SOAT1: variants seen among roughly 807,000 people sequenced by gnomAD.
The protein encoded by SOAT1 is acyl-coenzyme A:cholesterol acyltransferase 1.
SOAT1 carries 55 observed loss-of-function variants against 69.5 expected under a neutral mutation model. The observed-to-expected ratio is 0.79, with a 90% CI of 0.64 to 0.99. SOAT1 has a LOEUF of 0.99. Among genes scored for constraint, SOAT1 ranks in the 50% least tolerant of loss-of-function variants. The pLI is 0.00. For synonymous variants in SOAT1, 231 were observed against 224.7 expected (o/e 1.03, Z -0.25); for missense variants, 580 against 669.3 (o/e 0.87, Z 1.47).
At position 179,341,187 on chromosome 1, in the gene SOAT1, TTC is replaced by T; in HGVS notation, c.663_664del (p.Phe222ProfsTer61). ...YSKSSHPLIRSLFHGFLFMIF... is the reference protein window; with the variant it reads ...YSKSSHPLIRXLFHGFLFMIF... ...GCAAGAGTTCTCATCCGCTGATCCG[TTC>T]TCTCTTCCATGGCTTTCTTTTCATG... On this transcript the variant is annotated frameshift_variant, in exon 7 of 16. Transcript: ENST00000367619. LOFTEE classifies it high-confidence loss of function. 6.2e-7 allele frequency: 1 copy of T among 1,614,074 alleles called. No homozygotes were observed. The highest frequency in any genetic ancestry group is 8.5e-7 in the Non-Finnish European group (1 of 1,179,980).
chr1:179,349,329 C>T (rs1257972093), intron 13 of SOAT1, among the ~76,000 whole-genome samples: 4 of 125,896 alleles, frequency 3.2e-5, no homozygotes, highest in Non-Finnish European at 3.2e-5. Flanking sequence ...TAGAGAAACA[C>T]TTTTTTTTTT....
At chr1:179,335,469 T>G (rs765751119) in intron 3 of SOAT1, 37 bp from the exon 4 acceptor site, 3 of 1,576,070 alleles carry the variant, frequency 1.9e-6, no homozygotes, top group Non-Finnish European at 8.7e-7. Flanking sequence ...CAAGCATGTA[T>G]TAGTTCCCCA....
At chr1:179,299,773 A>C (rs1354868197) in intron 1 of SOAT1, among the ~76,000 whole-genome samples, 1 of 17,552 alleles carries the variant, frequency 5.7e-5, no homozygotes, top group Non-Finnish European at 1.0e-4. Context: ...TTTTTTTTTG[A>C]GACGGAGTCT....
chr1:179,351,633 A>C (rs1031811363), intron 15 of SOAT1, among the ~76,000 whole-genome samples, 171 bp downstream of exon 15: 1 of 151,588 alleles, frequency 6.6e-6, no homozygotes, highest in Admixed American at 6.6e-5. Context: ...TTGTACTTGA[A>C]GTTTTTCCTT....
intron 1 of SOAT1, among the ~76,000 whole-genome samples, chr1:179,297,588 G>A (rs946523166): frequency 6.6e-6 from 1 of 151,890 alleles, no homozygotes; most frequent in Non-Finnish European, 1.5e-5. Flanking sequence ...ACCCGCCTCA[G>A]CCTCCCAAAG....
Position 179,357,327 on chromosome 1 carries a change from C to CGAGTAGCT in SOAT1, c.*3688_*3695dup, listed in dbSNP as rs903371280. ...AAGCGATTCTCCTGCCTCAGCCTCC[C>CGAGTAGCT]GAGTAGCTGGCATTACAGGTGCCTG... is the stretch of plus-strand genomic sequence containing the variant. On this transcript the variant is annotated 3_prime_UTR_variant, in exon 16 of 16. Transcript: ENST00000367619. 6.6e-6 allele frequency: 1 copy of CGAGTAGCT among 152,466 alleles called. No individual in the cohort carries two copies. The highest frequency in any genetic ancestry group is 1.5e-5 in the Non-Finnish European group (1 of 68,320). The allele number at this position is 152,466 out of a possible 1,614,324, so 9.4% of individuals were successfully genotyped here. A position where few individuals can be genotyped will look rare whatever the true frequency, so the allele number is the denominator to read the frequency against.
At chr1:179,336,729 G>A (rs1275493325) in intron 4 of SOAT1, among the ~76,000 whole-genome samples, 1 of 152,144 alleles carries the variant, frequency 6.6e-6, no homozygotes, top group Non-Finnish European at 1.5e-5. Flanking sequence ...GGGCATGGTG[G>A]CTCACGCCTG....
In SOAT1 at chr1:179,349,011, A is replaced by G. The variant is rs1051890259; in HGVS notation, c.1314+69A>G. ...TTCTTTTTCAGAAAGTATGAGTATT[A>G]TACAGCTGGAAGAAGTTATATTTAA... On this transcript the variant is annotated intron_variant, in intron 13 of 15. Coordinates refer to ENST00000367619, the MANE Select transcript of SOAT1 (RefSeq NM_003101.6). 7.1e-6 allele frequency: 6 copies of G among 839,744 alleles called. No individual in the cohort carries two copies. The African/African-American group carries it at 1.0e-4, about 14-fold the overall frequency. The allele number at this position is 839,744 out of a possible 1,614,324, so 52.0% of individuals were successfully genotyped here.
chr1:179,325,597 A>G (rs915058463), intron 3 of SOAT1, among the ~76,000 whole-genome samples: 3 of 152,196 alleles, frequency 2.0e-5, no homozygotes, highest in Non-Finnish European at 2.9e-5. Context: ...TCAAGAACAC[A>G]AAAACATATT....
intron 2 of SOAT1, among the ~76,000 whole-genome samples, chr1:179,317,030 A>C (rs753692940): frequency 8.5e-5 from 13 of 152,144 alleles, no homozygotes; most frequent in Non-Finnish European, 1.9e-4. Context: ...TATGTGTATG[A>C]GTTTGTTTTT....
intron 15 of SOAT1, among the ~76,000 whole-genome samples, chr1:179,353,221 A>ATAAATATATATATATTTATATATT (rs1571463716): frequency 6.9e-5 from 5 of 72,262 alleles, no homozygotes; most frequent in South Asian, 3.7e-4. Flanking sequence ...ATATATATAT[A>ATAAATATATATATATTTATATATT]TATCTATTTG....
chr1:179,310,979 GAGA>G (rs545530714), intron 2 of SOAT1, among the ~76,000 whole-genome samples: 83 of 152,266 alleles, frequency 5.5e-4, no homozygotes, highest in African/African-American at 1.9e-3. Flanking sequence ...TAGGGGTCAG[GAGA>G]CAAGGATTTC....
In SOAT1 at chr1:179,341,164, A is replaced by G. The variant is rs1197337727; in HGVS notation, c.634A>G (p.Lys212Glu). 1.9e-6 allele frequency: 3 copies of G among 1,613,980 alleles called. No homozygotes were observed. The highest frequency in any genetic ancestry group is 2.5e-6 in the Non-Finnish European group (3 of 1,180,024). The change falls in exon 7 of 16, where the codon AAG becomes GAG. Residue 212 changes from lysine to glutamate, a missense_variant. By Grantham distance (56) the Lys-to-Glu change is moderately conservative. Coordinates refer to ENST00000367619, the MANE Select transcript of SOAT1 (RefSeq NM_003101.6). ...TCAACATTGGGCCACTGGCTATAGCAAGAGTTCTCATCCGCTGATCCGTTC... is the reference window on the plus strand; with the variant it reads ...TCAACATTGGGCCACTGGCTATAGCGAGAGTTCTCATCCGCTGATCCGTTC... Reference protein sequence around the residue: ...LFQHWATGYSKSSHPLIRSLF... With the variant: ...LFQHWATGYSESSHPLIRSLF...
intron 4 of SOAT1, among the ~76,000 whole-genome samples, chr1:179,335,975 A>T (rs12035050): frequency 0.24 from 35,867 of 152,052 alleles, 4,836 homozygotes; most frequent in East Asian, 0.38. Flanking sequence ...CCTGGCCAAC[A>T]TGGTTATTTA....
intron 2 of SOAT1, among the ~76,000 whole-genome samples, chr1:179,304,839 G>A (rs141325223): frequency 6.6e-6 from 1 of 151,732 alleles, no homozygotes; most frequent in East Asian, 1.9e-4. Context: ...ATAGAGTTGG[G>A]GCTTCAACAT....
chr1:179,328,186 C>T (rs1174071971), intron 3 of SOAT1, among the ~76,000 whole-genome samples: 1 of 152,192 alleles, frequency 6.6e-6, no homozygotes, highest in Non-Finnish European at 1.5e-5. Flanking sequence ...ATCCTCCTGC[C>T]TTGGCCTCCC....
chr1:179,295,840 T>C (rs2124925776), intron 1 of SOAT1, among the ~76,000 whole-genome samples: 1 of 147,250 alleles, frequency 6.8e-6, no homozygotes, highest in South Asian at 2.2e-4. Flanking sequence ...AGTTTGGCGC[T>C]TGTTGCCCAG....
chr1:179,323,364 C>T (rs1665672611), intron 2 of SOAT1, 73 bp from the exon 3 acceptor site: 2 of 1,281,598 alleles, frequency 1.6e-6, no homozygotes, highest in African/African-American at 1.5e-5. Context: ...TTGTTTTCAA[C>T]TTTATGATTT....
intron 11 of SOAT1, 42 bp downstream of exon 11, chr1:179,345,118 G>A (rs752843584): frequency 6.2e-6 from 10 of 1,604,386 alleles, no homozygotes; most frequent in Non-Finnish European, 6.8e-6. Flanking sequence ...ATAAATTCAC[G>A]AGGTAAATAG....
Sources: allele counts gnomAD v4.1 joint callset (sites outside exome capture counted in the v4.1 genomes callset), GRCh38; gene constraint gnomAD v4.1.1; transcripts MANE v1.5; gene names NCBI Gene and HGNC (gene_info 2026-07-23, HGNC 2026-07-21).